PREP: variants seen among roughly 807,000 people sequenced by gnomAD.
The protein encoded by PREP is dJ355L5.1 (prolyl endopeptidase).
PREP carries 29 observed loss-of-function variants against 87.6 expected under a neutral mutation model. That is an observed-to-expected ratio of 0.33 (90% CI 0.25 to 0.45). The LOEUF (loss-of-function observed/expected upper bound fraction) is 0.45, where lower values mean the gene tolerates loss of function less well. Among genes scored for constraint, PREP ranks in the 20% least tolerant of loss-of-function variants. PREP has a pLI of 1.00. For missense variants in PREP, 695 were observed against 886.5 expected, an observed-to-expected ratio of 0.78 and a Z score of 2.74; for synonymous variants, 337 against 328.6, an observed-to-expected ratio of 1.03 and a Z score of -0.28.
chr6:105,309,064 G>T (rs990498138), intron 10 of PREP, among the ~76,000 whole-genome samples: 1 of 152,104 alleles, frequency 6.6e-6, no homozygotes, highest in African/African-American at 2.4e-5. Flanking sequence ...AAAGCAAGGA[G>T]GCCAGAGCGG....
At chr6:105,388,374 A>G (rs1359177601) in intron 2 of PREP, among the ~76,000 whole-genome samples, 1 of 151,750 alleles carries the variant, frequency 6.6e-6, no homozygotes, top group African/African-American at 2.4e-5. Flanking sequence ...GTCCATTCCA[A>G]GCTGCCTTCA....
At chr6:105,307,114 C>T (rs1149314) in intron 10 of PREP, among the ~76,000 whole-genome samples, 6,239 of 152,270 alleles carry the variant, frequency 0.041, 416 homozygotes, top group African/African-American at 0.14. Flanking sequence ...TTATGAGACT[C>T]TGGGATCATT....
chr6:105,394,691 G>C (rs996598516), intron 2 of PREP, among the ~76,000 whole-genome samples: 1 of 152,314 alleles, frequency 6.6e-6, no homozygotes, highest in East Asian at 1.9e-4. Context: ...TGTAGTCCCA[G>C]CTACTTGGGA....
intron 7 of PREP, among the ~76,000 whole-genome samples, chr6:105,337,774 G>C (rs888442698): frequency 6.6e-6 from 1 of 152,116 alleles, no homozygotes; most frequent in Non-Finnish European, 1.5e-5. Context: ...TTACATTTCA[G>C]TTGTTTCAAC....
At chr6:105,290,439 G>A (rs774887717) in intron 10 of PREP, among the ~76,000 whole-genome samples, 2 of 151,780 alleles carry the variant, frequency 1.3e-5, no homozygotes, top group Admixed American at 6.6e-5. Flanking sequence ...TCAAAAAACC[G>A]AATTCCCTCC....
At chr6:105,321,811 A>G (rs1214731102) in intron 10 of PREP, among the ~76,000 whole-genome samples, 1 of 152,168 alleles carries the variant, frequency 6.6e-6, no homozygotes, top group African/African-American at 2.4e-5. Flanking sequence ...GGAAAACAGT[A>G]TCTTTTTTTA....
chr6:105,376,298 A>G, intron 3 of PREP, 43 bp from the exon 4 acceptor site: 1 of 1,588,436 alleles, frequency 6.3e-7, no homozygotes, highest in East Asian at 2.2e-5. Context: ...GGAGTTTTCT[A>G]TTTGTGGAGT....
chr6:105,282,202 TCA>T (rs1392740590), intron 13 of PREP, among the ~76,000 whole-genome samples: 4 of 152,178 alleles, frequency 2.6e-5, no homozygotes, highest in Admixed American at 2.6e-4. Context: ...CCACTTGCTT[TCA>T]CAGTGATGAG....
intron 9 of PREP, among the ~76,000 whole-genome samples, chr6:105,326,447 G>C (rs1190395612): frequency 6.6e-6 from 1 of 152,186 alleles, no homozygotes; most frequent in Non-Finnish European, 1.5e-5. Context: ...GGCTCAAGAT[G>C]TGTTTTCACC....
intron 14 of PREP, chr6:105,281,216 G>A (rs1326114129): frequency 6.6e-6 from 1 of 152,384 alleles, no homozygotes; most frequent in African/African-American, 2.4e-5. Context: ...GCGGCTGTGG[G>A]ACTTAGGTCC....
At chr6:105,279,179 A>G (rs894742589) in intron 14 of PREP, 5 of 152,312 alleles carry the variant, frequency 3.3e-5, no homozygotes, top group African/African-American at 9.6e-5. Flanking sequence ...ACATTCTCCT[A>G]ATAGGGGTGT....
chr6:105,366,662 A>G (rs193069855), intron 6 of PREP, among the ~76,000 whole-genome samples: 172 of 152,370 alleles, frequency 1.1e-3, no homozygotes, highest in African/African-American at 3.2e-3. Context: ...AGCATTACTC[A>G]TAACAATGCT....
rs537418085 is a variant in PREP, at chr6:105,390,289, C to T, written c.120+7564G>A. 5.3e-5 allele frequency among the ~76,000 whole-genome samples: 8 copies of T among 152,320 alleles called. No individual in the cohort carries two copies. The East Asian group carries it at 1.5e-3, about 29-fold the overall frequency. On this transcript the variant is annotated intron_variant, in intron 2 of 14. Transcript: ENST00000652536. ...AGAAAAGAAATCTACATTTATATTC[C>T]TTTCATCCTCTCTGAAACAAATTGT...
At chr6:105,290,844 C>T (rs1054846033) in intron 10 of PREP, among the ~76,000 whole-genome samples, 3 of 152,154 alleles carry the variant, frequency 2.0e-5, no homozygotes, top group Non-Finnish European at 2.9e-5. Context: ...ATTTTGAAAG[C>T]GGTCCAAAAT....
chr6:105,326,970 C>G (rs531341469), intron 9 of PREP, among the ~76,000 whole-genome samples: 2 of 152,256 alleles, frequency 1.3e-5, no homozygotes, highest in East Asian at 3.9e-4. Flanking sequence ...GCATTTTACA[C>G]TTGGACAATA....
intron 8 of PREP, among the ~76,000 whole-genome samples, chr6:105,331,621 C>T (rs1771337934): frequency 6.6e-6 from 1 of 152,208 alleles, no homozygotes; most frequent in African/African-American, 2.4e-5. Flanking sequence ...GAAGCCCTCA[C>T]TAACTGCTGG....
intron 6 of PREP, among the ~76,000 whole-genome samples, chr6:105,362,040 A>C (rs1263328657): frequency 1.3e-5 from 2 of 152,246 alleles, no homozygotes; most frequent in African/African-American, 4.8e-5. Flanking sequence ...GAAACTGATA[A>C]AACAGAAAAT....
At chr6:105,391,418 CATT>C (rs773712446) in intron 2 of PREP, among the ~76,000 whole-genome samples, 1 of 152,024 alleles carries the variant, frequency 6.6e-6, no homozygotes, top group Non-Finnish European at 1.5e-5. Context: ...GACGGGGTTT[CATT>C]ATGTCATCTC....
chr6:105,390,697 T>A (rs1159631163), intron 2 of PREP, among the ~76,000 whole-genome samples: 1 of 152,102 alleles, frequency 6.6e-6, no homozygotes, highest in Non-Finnish European at 1.5e-5. Context: ...GAGACTGAGA[T>A]TACAAGAATA....
Sources: gnomAD v4.1 joint callset for allele counts (sites outside exome capture counted in the v4.1 genomes callset) on GRCh38, gnomAD v4.1.1 for gene constraint, MANE v1.5 for transcripts, NCBI Gene and HGNC (gene_info 2026-07-23, HGNC 2026-07-21) for gene names.